Variants in SUPT5H observed in about 807,000 individuals in gnomAD.
SUPT5H encodes the protein transcription elongation factor SPT5.
SUPT5H carries 24 observed loss-of-function variants against 142.5 expected under a neutral mutation model. The ratio of observed to expected loss-of-function variants is 0.17; its 90% CI spans 0.12 to 0.24. The LOEUF (loss-of-function observed/expected upper bound fraction) is 0.24. Ranked by LOEUF, SUPT5H falls within the 10% of genes least tolerant of loss-of-function variation. The pLI, the probability that SUPT5H is intolerant of heterozygous loss-of-function variation, is 1.00. For synonymous variants in SUPT5H, 546 were observed against 553.0 expected (o/e 0.99, Z 0.18); for missense variants, 893 against 1,471.8 (o/e 0.61, Z 6.43).
At position 39,474,252 on chromosome 19, in the gene SUPT5H, C is replaced by T; in HGVS notation, c.2670C>T (p.Phe890=). 1 of 1,614,074 alleles carries T rather than the reference C, an allele frequency of 6.2e-7. No individual in the cohort carries two copies. The highest frequency in any genetic ancestry group is 8.5e-7 in the Non-Finnish European group (1 of 1,180,002). The change falls in exon 27 of 30, where the codon TTC becomes TTT. Residue 890 remains phenylalanine (F), a synonymous_variant. Transcript: ENST00000432763. The surrounding 1 kb of genome is among the most constrained non-coding windows in gnomAD (Gnocchi z 6.5). ...GTPAMYNTDQ[F]SPYAAPSPQG... is the part of the protein sequence containing the mutation. Reference sequence around the variant, plus strand: ...TCTGCAGGTACAACACAGACCAGTTCTCTCCCTATGCTGCCCCCTCCCCAC... The same window carrying T: ...TCTGCAGGTACAACACAGACCAGTTTTCTCCCTATGCTGCCCCCTCCCCAC...
chr19:39,458,028 A>T lies in SUPT5H; in HGVS notation c.308-266A>T, dbSNP rs977224482. 1 of 729,118 alleles carries T rather than the reference A, an allele frequency of 1.4e-6. No individual in the cohort carries two copies. Among genetic ancestry groups the T allele is most frequent in the Non-Finnish European group, 2.3e-6 (1 of 443,512 alleles). 45.2% of individuals were successfully genotyped at this position (729,118 alleles called of 1,614,324 possible). ...TAGGGTGGGCGAGCTCTGTCCCAAG[A>T]TACCCCCCACTTCCTGGGCCAGTGC... On this transcript the variant is annotated intron_variant, in intron 4 of 29. Transcript: ENST00000432763. This position sits in a 1 kb window ranked among gnomAD's most constrained non-coding sequence, Gnocchi z 4.2.
chr19:39,455,691 C>T (rs2079078916), intron 3 of SUPT5H, among the ~76,000 whole-genome samples: 1 of 149,936 alleles, frequency 6.7e-6, no homozygotes, highest in African/African-American at 2.5e-5. Context: ...GGTGCAATCT[C>T]AGCTCACTGC....
intron 10 of SUPT5H, among the ~76,000 whole-genome samples, chr19:39,461,843 A>G (rs913405669): frequency 6.7e-6 from 1 of 150,204 alleles, no homozygotes; most frequent in Admixed American, 6.6e-5. Context: ...AAAAAAAATA[A>G]TAATAATAAT....
Position 39,469,345 on chromosome 19 carries a change from C to T in SUPT5H, c.1321C>T (p.Leu441Phe). ...GCTCATCAACCTGCAGGGCAAGATC[C>T]TCAGCGTGGATGGCAACAAGATCAC... ...GELINLQGKI[L>F]SVDGNKITIM... The change falls in exon 16 of 30, where the codon CTC becomes TTC. Residue 441 changes from leucine (L) to phenylalanine (F), a missense_variant. Around this residue, in one of 6 missense-constraint regions of SUPT5H, gnomAD observed 428 missense variants for 763.5 expected, o/e 0.56. Coordinates refer to ENST00000432763, the MANE Select transcript of SUPT5H (RefSeq NM_001111020.3). The surrounding 1 kb of genome is among the most constrained non-coding windows in gnomAD (Gnocchi z 5.1). The T allele has an allele frequency of 6.2e-7, 1 of 1,614,234 alleles. No individual in the cohort carries two copies. Among genetic ancestry groups the T allele is most frequent in the Non-Finnish European group, 8.5e-7 (1 of 1,180,044 alleles).
At chr19:39,461,513 A>G (rs566701871) in intron 10 of SUPT5H, among the ~76,000 whole-genome samples, 6 of 151,904 alleles carry the variant, frequency 3.9e-5, no homozygotes, top group Non-Finnish European at 7.4e-5. Flanking sequence ...CATAGTGACA[A>G]CTGATTTCTA....
Position 39,470,042 on chromosome 19 carries a change from T to C in SUPT5H, c.1375-77T>C. 1 of 1,552,692 alleles carries C rather than the reference T, an allele frequency of 6.4e-7. No homozygotes were observed. The highest frequency in any genetic ancestry group is 8.8e-7 in the Non-Finnish European group (1 of 1,139,628). ...TGGGGTTTTTGAGAACATGCGTAGA[T>C]TCTGAAGACAGGAGGGGCAGGCAGG... On this transcript the variant is annotated intron_variant, in intron 16 of 29. Coordinates refer to ENST00000432763, the MANE Select transcript of SUPT5H (RefSeq NM_001111020.3). This position sits in a 1 kb window ranked among gnomAD's most constrained non-coding sequence, Gnocchi z 5.8.
At chr19:39,459,148 A>G (rs1284244674) in intron 7 of SUPT5H, 36 bp from the exon 8 acceptor site, 1 of 1,611,802 alleles carries the variant, frequency 6.2e-7, no homozygotes, top group South Asian at 1.1e-5. Flanking sequence ...GATCTGACAG[A>G]GCTTCACCCC....
intron 18 of SUPT5H, 124 bp from the exon 19 acceptor site, chr19:39,471,233 G>C (rs1600723025): frequency 1.7e-6 from 2 of 1,203,418 alleles, no homozygotes; most frequent in Non-Finnish European, 2.3e-6. Context: ...CCAGGGAATT[G>C]AGATGCCTTG....
At position 39,460,148 on chromosome 19, in the gene SUPT5H, C is replaced by T. The variant is rs2079143056; in HGVS notation, c.624+188C>T. 8.2e-6 allele frequency: 5 copies of T among 609,210 alleles called. No homozygotes were observed. The East Asian group carries it at 1.1e-4, about 14-fold the overall frequency. The allele number at this position is 609,210 out of a possible 1,614,324, so 37.7% of individuals were successfully genotyped here. On this transcript the variant is annotated intron_variant, in intron 10 of 29. Transcript: ENST00000432763. Reference sequence around the variant, plus strand: ...TTCTCGGCCTAGATGGATATGTTGTCTTTGTTCTCTGCATTTATGGCAGGG... The same window carrying T: ...TTCTCGGCCTAGATGGATATGTTGTTTTTGTTCTCTGCATTTATGGCAGGG...
intron 2 of SUPT5H, among the ~76,000 whole-genome samples, chr19:39,452,060 T>C (rs1427952534): frequency 6.6e-6 from 1 of 151,968 alleles, no homozygotes; most frequent in African/African-American, 2.4e-5. Context: ...GGCTCAGATA[T>C]ATGGGGCTGG....
At chr19:39,446,041 T>C (rs1171518741) in intron 2 of SUPT5H, 76 bp downstream of exon 2, 11 of 1,486,060 alleles carry the variant, frequency 7.4e-6, no homozygotes, top group South Asian at 1.2e-5. Context: ...TGTGGGAGGC[T>C]CGAGGGGTTC....
chr19:39,459,763 G>A, intron 9 of SUPT5H, 129 bp from the exon 10 acceptor site: 1 of 1,296,968 alleles, frequency 7.7e-7, no homozygotes, highest in South Asian at 1.2e-5. Flanking sequence ...CATCTTCCTG[G>A]CTGTCCATCC....
chr19:39,457,878 C>G (rs1193113952), intron 4 of SUPT5H, 138 bp downstream of exon 4: 1 of 1,422,942 alleles, frequency 7.0e-7, no homozygotes, highest in South Asian at 1.2e-5. Context: ...TCTGTCCTTC[C>G]CAGAGAGACC....
At chr19:39,454,563 A>G (rs1188402651) in intron 3 of SUPT5H, among the ~76,000 whole-genome samples, 2 of 151,840 alleles carry the variant, frequency 1.3e-5, no homozygotes, top group African/African-American at 2.4e-5. Context: ...GATGGTCTCG[A>G]ACTCCTGACC....
intron 3 of SUPT5H, among the ~76,000 whole-genome samples, chr19:39,456,716 C>A (rs187842321): frequency 6.6e-6 from 1 of 152,220 alleles, no homozygotes; most frequent in East Asian, 1.9e-4. Flanking sequence ...CCGTGCCCAA[C>A]CCTAACTAAT....
rs2079246022 is a variant in SUPT5H at position 39,466,883 on chromosome 19, G to A, written c.1037+138G>A. On this transcript the variant is annotated intron_variant, in intron 13 of 29. Transcript: ENST00000432763. The surrounding 1 kb of genome is among the most constrained non-coding windows in gnomAD (Gnocchi z 4.3). ...GGTTAGCTTGGCAGTATAGCCTCAG[G>A]CAAGTCACTTCACATCCCTGTGCCT... 7.8e-6 allele frequency: 6 copies of A among 769,474 alleles called. No individual in the cohort carries two copies. Among genetic ancestry groups the A allele is most frequent in the Non-Finnish European group, 1.3e-5 (6 of 452,206 alleles). 47.7% of individuals were successfully genotyped at this position (769,474 alleles called of 1,614,324 possible).
intron 28 of SUPT5H, chr19:39,475,117 C>A: frequency 4.2e-6 from 1 of 238,286 alleles, no homozygotes; most frequent in South Asian, 5.2e-5. Context: ...CAGTGCTTCA[C>A]ACCTGTAATC....
At chr19:39,468,456 T>C in intron 13 of SUPT5H, 1 of 452,892 alleles carries the variant, frequency 2.2e-6, no homozygotes, top group East Asian at 4.1e-5. Context: ...TAGTGAATGT[T>C]ACATCCCTGA....
In SUPT5H at chr19:39,451,354, GT is replaced by G. The variant is rs74889413; in HGVS notation, c.76-1989del. Among the ~76,000 whole-genome samples, 656 of 141,878 alleles carry G rather than the reference GT, an allele frequency of 4.6e-3. 3 individuals are homozygous for G. Among genetic ancestry groups the G allele is most frequent in the African/African-American group, 0.014 (526 of 38,892 alleles). 93.1% of individuals were successfully genotyped at this position (141,878 alleles called of 152,430 possible). A position where few individuals can be genotyped will look rare whatever the true frequency, so the allele number is the denominator to read the frequency against. On this transcript the variant is annotated intron_variant, in intron 2 of 29. Coordinates refer to ENST00000432763, the MANE Select transcript of SUPT5H (RefSeq NM_001111020.3). ...CAGGCGTGCCACCATGCCTGGCTAG[GT>G]TTTTTTTTTTTTGTATTTTTAGTAG...
Sources: gnomAD v4.1 joint callset for allele counts (sites outside exome capture counted in the v4.1 genomes callset) on GRCh38, gnomAD v4.1.1 for gene constraint, gnomAD v4.1.1 regional missense constraint, Gnocchi (gnomAD v3.1) non-coding constraint, MANE v1.5 for transcripts, NCBI Gene and HGNC (gene_info 2026-07-23, HGNC 2026-07-21) for gene names.